Variants in PES1 observed in about 807,000 individuals in gnomAD.
PES1 encodes pescadillo ribosomal biogenesis factor 1.
In PES1, 31 loss-of-function variants were observed where a neutral mutation model predicts 77.1. The ratio of observed to expected loss-of-function variants is 0.40; its 90% CI spans 0.30 to 0.54. The LOEUF (loss-of-function observed/expected upper bound fraction) is 0.54, where lower values mean the gene tolerates loss of function less well. PES1 is among the 20% of genes least tolerant of loss of function. The pLI is 0.45. For synonymous variants in PES1, 282 were observed against 303.0 expected (o/e 0.93, Z 0.72); for missense variants, 658 against 771.7 (o/e 0.85, Z 1.75).
At position 30,584,359 on chromosome 22, in the gene PES1, ACTCACGTCATG is replaced by A. The variant is rs1569023945; in HGVS notation, c.625_630+5del. 1 of 1,604,716 alleles carries A rather than the reference ACTCACGTCATG, an allele frequency of 6.2e-7. No homozygotes were observed. Among genetic ancestry groups the A allele is most frequent in the Non-Finnish European group, 8.5e-7 (1 of 1,174,442 alleles). Reference sequence around the variant, plus strand: ...AAGCCCGTCCCCTCCCGACAGGCACACTCACGTCATGGGAGAAGGCATAGGGAGTGATCCAC... The same window carrying A: ...AAGCCCGTCCCCTCCCGACAGGCACAGGAGAAGGCATAGGGAGTGATCCAC... On this transcript the variant is annotated splice_donor_variant and splice_donor_5th_base_variant and coding_sequence_variant and intron_variant, in exon 6 of 15. Transcript: ENST00000354694. LOFTEE classifies it high-confidence loss of function.
upstream of PES1, among the ~76,000 whole-genome samples, chr22:30,593,370 C>A (rs548530042): frequency 1.3e-5 from 2 of 152,022 alleles, no homozygotes; most frequent in Non-Finnish European, 2.9e-5. Context: ...ACCTGTAACC[C>A]CAGCTAGTTG....
chr22:30,587,172 T>C (rs917592016), intron 4 of PES1, 114 bp downstream of exon 4: 12 of 767,050 alleles, frequency 1.6e-5, no homozygotes, highest in Admixed American at 1.2e-4. Flanking sequence ...CTTGAAAAAG[T>C]TGCAAGCTCT....
At chr22:30,592,491 G>C, upstream of PES1, 1 of 826,904 alleles carries the variant, frequency 1.2e-6, no homozygotes, top group Non-Finnish European at 1.5e-6. Context: ...GTGGACTCGT[G>C]GTATATTTAA....
At chr22:30,587,178 G>A in intron 4 of PES1, 108 bp downstream of exon 4, 1 of 802,072 alleles carries the variant, frequency 1.2e-6, no homozygotes, top group Admixed American at 2.3e-5. Flanking sequence ...AAAGTTGCAA[G>A]CTCTTTGAGC....
chr22:30,580,305 C>A, intron 10 of PES1, 127 bp from the exon 11 acceptor site: 1 of 1,233,032 alleles, frequency 8.1e-7, no homozygotes, highest in Non-Finnish European at 1.1e-6. Context: ...TTACCCCCTC[C>A]TCACCCCAGG....
intron 2 of PES1, among the ~76,000 whole-genome samples, chr22:30,599,046 T>C (rs1209450246): frequency 6.6e-6 from 1 of 151,666 alleles, no homozygotes; most frequent in African/African-American, 2.4e-5. Context: ...TACAGGCATG[T>C]GCCACCATGA....
chr22:30,589,346 CCAGAGG>C (rs2087143637), intron 1 of PES1, 76 bp from the exon 2 acceptor site: 1 of 1,190,154 alleles, frequency 8.4e-7, no homozygotes, highest in African/African-American at 1.5e-5. Context: ...ATGCCTAGTT[CCAGAGG>C]CAACTATCAC....
chr22:30,606,799 T>G, intron 1 of PES1: 8 of 983,110 alleles, frequency 8.1e-6, no homozygotes, highest in Non-Finnish European at 9.6e-6. Flanking sequence ...ACTCCAGCAA[T>G]GCTGCTCACG....
chr22:30,601,341 G>A (rs1237674422), intron 2 of PES1, among the ~76,000 whole-genome samples: 1 of 151,700 alleles, frequency 6.6e-6, no homozygotes, highest in African/African-American at 2.4e-5. Flanking sequence ...TTAAGATGGA[G>A]TCTCAGTCCG....
chr22:30,599,571 A>G (rs918943914), intron 2 of PES1, among the ~76,000 whole-genome samples: 7 of 152,314 alleles, frequency 4.6e-5, no homozygotes, highest in African/African-American at 1.7e-4. Flanking sequence ...ACCTTTGTCT[A>G]ATATCTCAGT....
chr22:30,584,271 C>T, intron 6 of PES1, 94 bp downstream of exon 6: 1 of 1,024,884 alleles, frequency 9.8e-7, no homozygotes, highest in East Asian at 2.6e-5. Context: ...CCAGCACTTG[C>T]TAAACTCCAT....
At chr22:30,581,674 G>T in intron 6 of PES1, 30 bp from the exon 7 acceptor site, 2 of 1,480,662 alleles carry the variant, frequency 1.4e-6, no homozygotes, top group Non-Finnish European at 1.9e-6. Context: ...CATGAGCAGT[G>T]TGGGTGCAGG....
At chr22:30,592,688 T>A (rs755308440), upstream of PES1, among the ~76,000 whole-genome samples, 2 of 152,146 alleles carry the variant, frequency 1.3e-5, no homozygotes, top group African/African-American at 2.4e-5. Flanking sequence ...TCCCAGCTAC[T>A]CGGGAGGCTG....
intron 2 of PES1, among the ~76,000 whole-genome samples, chr22:30,598,803 G>A (rs2087306170): frequency 1.3e-5 from 2 of 149,672 alleles, no homozygotes; most frequent in Admixed American, 1.3e-4. Flanking sequence ...GTGTCTACAT[G>A]GTACCAAGTT....
chr22:30,598,307 A>G (rs2087296973), intron 2 of PES1: 2 of 152,256 alleles, frequency 1.3e-5, no homozygotes, highest in Admixed American at 6.5e-5. Flanking sequence ...AACTCCGGAC[A>G]TGCCGTCTTT....
chr22:30,600,347 G>A (rs2087336543), intron 2 of PES1, among the ~76,000 whole-genome samples: 1 of 152,138 alleles, frequency 6.6e-6, no homozygotes, highest in African/African-American at 2.4e-5. Context: ...GGGTAGGTTT[G>A]CATGTAGCTG....
intron 1 of PES1, among the ~76,000 whole-genome samples, chr22:30,590,705 T>C (rs772666687): frequency 4.6e-5 from 7 of 152,154 alleles, no homozygotes; most frequent in Non-Finnish European, 8.8e-5. Context: ...TTTGGAGACA[T>C]TTTTGGTTGC....
At chr22:30,578,083 G>C (rs1454859054) in intron 14 of PES1, among the ~76,000 whole-genome samples, 1 of 152,190 alleles carries the variant, frequency 6.6e-6, no homozygotes, top group East Asian at 1.9e-4. Context: ...AGGAGTCCAA[G>C]ACCAGCCTGG....
chr22:30,603,361 T>C (rs1457623277), intron 2 of PES1, among the ~76,000 whole-genome samples: 1 of 151,982 alleles, frequency 6.6e-6, no homozygotes, highest in Non-Finnish European at 1.5e-5. Flanking sequence ...TCCTTTTCTT[T>C]CTTTCTGTTT....
Sources: gnomAD v4.1 joint callset for allele counts (sites outside exome capture counted in the v4.1 genomes callset) on GRCh38, gnomAD v4.1.1 for gene constraint, MANE v1.5 for transcripts, NCBI Gene and HGNC (gene_info 2026-07-23, HGNC 2026-07-21) for gene names.